Variants in TLL1 observed in about 807,000 individuals in gnomAD.
The protein encoded by TLL1 is tolloid-like protein 1.
In TLL1, 49 loss-of-function variants were observed where a neutral mutation model predicts 128.2. The ratio of observed to expected loss-of-function variants is 0.38; its 90% confidence interval spans 0.30 to 0.48. The LOEUF (loss-of-function observed/expected upper bound fraction) is 0.48. Ranked by LOEUF, TLL1 falls within the 20% of genes least tolerant of loss-of-function variation. The pLI, the probability that TLL1 is intolerant of heterozygous loss-of-function variation, is 0.96. For synonymous variants in TLL1, 454 were observed against 418.8 expected (o/e 1.08, Z -1.03); for missense variants, 1,123 against 1,242.0 (o/e 0.90, Z 1.44).
At chr4:165,987,460 C>T (rs1392653016) in intron 1 of TLL1, among the ~76,000 whole-genome samples, 4 of 152,026 alleles carry the variant, frequency 2.6e-5, no homozygotes, top group Non-Finnish European at 5.9e-5. Flanking sequence ...CAATTTCAGG[C>T]ATCAAAACCA....
intron 1 of TLL1, among the ~76,000 whole-genome samples, chr4:165,883,606 CTG>C (rs1195454504): frequency 6.6e-6 from 1 of 152,104 alleles, no homozygotes; most frequent in Non-Finnish European, 1.5e-5. Flanking sequence ...ATAACAAACA[CTG>C]TATTATTTTA....
chr4:166,076,864 C>A (rs968264488), intron 17 of TLL1, among the ~76,000 whole-genome samples: 1 of 152,132 alleles, frequency 6.6e-6, no homozygotes. Flanking sequence ...GGAAACCTAG[C>A]ACAATTAAGG....
intron 10 of TLL1, among the ~76,000 whole-genome samples, chr4:166,041,542 A>G (rs1386127042): frequency 6.6e-6 from 1 of 151,376 alleles, no homozygotes; most frequent in East Asian, 2.0e-4. Context: ...CTTATGATCC[A>G]CCCACCTCGG....
intron 11 of TLL1, among the ~76,000 whole-genome samples, chr4:166,042,356 T>C (rs1486334702): frequency 6.6e-6 from 1 of 152,230 alleles, no homozygotes; most frequent in African/African-American, 2.4e-5. Context: ...AATATCTAAA[T>C]GTGTTCAGGA....
intron 1 of TLL1, among the ~76,000 whole-genome samples, chr4:165,960,525 A>G (rs1356962338): frequency 6.6e-6 from 1 of 152,050 alleles, no homozygotes; most frequent in African/African-American, 2.4e-5. Context: ...GAAGACTTCA[A>G]GCCAATATTC....
chr4:166,104,387 A>G lies in TLL1; in HGVS notation c.*3511A>G, dbSNP rs993821502. Among the ~76,000 whole-genome samples the G allele has an allele frequency of 7.2e-5, 11 of 151,970 alleles. No individual in the cohort carries two copies. The highest frequency in any genetic ancestry group is 1.4e-4 in the African/African-American group (6 of 41,420). On this transcript the variant is annotated 3_prime_UTR_variant, in exon 21 of 21. Coordinates refer to ENST00000061240, the MANE Select transcript of TLL1 (RefSeq NM_012464.5). ...AAGAATAAGACTTGCCTTATGGAAA[A>G]TTTTTGATACCACTTGTTAAATCAG...
chr4:165,957,378 A>T (rs1167701991), intron 1 of TLL1, among the ~76,000 whole-genome samples: 1 of 152,114 alleles, frequency 6.6e-6, no homozygotes, highest in Non-Finnish European at 1.5e-5. Flanking sequence ...CTATGAAAAA[A>T]TGTAGCCACA....
chr4:166,006,422 C>T (rs973873071), intron 6 of TLL1, among the ~76,000 whole-genome samples: 1 of 151,662 alleles, frequency 6.6e-6, no homozygotes, highest in African/African-American at 2.4e-5. Context: ...AAATGTATTG[C>T]TGAAGTTGCG....
At chr4:165,959,200 T>G (rs1170685823) in intron 1 of TLL1, among the ~76,000 whole-genome samples, 1 of 152,124 alleles carries the variant, frequency 6.6e-6, no homozygotes, top group Non-Finnish European at 1.5e-5. Context: ...TGCGGGCTTT[T>G]TTTTGGTTCC....
Position 166,000,605 on chromosome 4 carries a change from T to G in TLL1, c.633-2786T>G, listed in dbSNP as rs371309812. Among the ~76,000 whole-genome samples, 9 of 152,324 alleles carry G rather than the reference T, an allele frequency of 5.9e-5. No individual in the cohort carries two copies. The East Asian group carries it at 1.5e-3, about 26-fold the overall frequency. ...ATTCCCTGAATAAAGCCAGTAAGAA[T>G]GACTCAATAGGGGTAATTTAGTTGC... is the stretch of plus-strand genomic sequence containing the variant. On this transcript the variant is annotated intron_variant, in intron 5 of 20. Transcript: ENST00000061240.
chr4:165,954,799 C>A (rs777644315), intron 1 of TLL1, among the ~76,000 whole-genome samples: 5 of 152,176 alleles, frequency 3.3e-5, no homozygotes, highest in East Asian at 3.9e-4. Context: ...AAACAAAAAA[C>A]CCCATCCAAT....
At chr4:166,013,905 T>A (rs59843698) in intron 7 of TLL1, among the ~76,000 whole-genome samples, 2,772 of 151,958 alleles carry the variant, frequency 0.018, 74 homozygotes, top group African/African-American at 0.061. Context: ...TGTTTTTTTT[T>A]ATCTTTTTTT....
chr4:166,066,492 A>G (rs7685579), intron 16 of TLL1, among the ~76,000 whole-genome samples: 1,563 of 151,968 alleles, frequency 0.01, 27 homozygotes, highest in African/African-American at 0.036. Flanking sequence ...CATTATTTTG[A>G]AACTTCCAAA....
chr4:166,007,700 A>G (rs1345814919), intron 6 of TLL1, among the ~76,000 whole-genome samples: 1 of 151,742 alleles, frequency 6.6e-6, no homozygotes, highest in African/African-American at 2.4e-5. Context: ...AAAAGAAAGT[A>G]TGCTTTTTCA....
chr4:165,997,410 T>G (rs1454203532), intron 5 of TLL1, among the ~76,000 whole-genome samples: 1 of 152,214 alleles, frequency 6.6e-6, no homozygotes, highest in Non-Finnish European at 1.5e-5. Flanking sequence ...CAAGGTAGTG[T>G]CATTGATATT....
chr4:166,039,257 G>T, intron 9 of TLL1, 82 bp from the exon 10 acceptor site: 2 of 915,272 alleles, frequency 2.2e-6, no homozygotes, highest in Non-Finnish European at 1.8e-6. Flanking sequence ...TGTAGACCAG[G>T]GTTCCTTACC....
At chr4:166,052,346 A>G (rs146794184) in intron 12 of TLL1, among the ~76,000 whole-genome samples, 1,950 of 152,272 alleles carry the variant, frequency 0.013, 18 homozygotes, top group Middle Eastern at 0.027. Flanking sequence ...CCCAGGCTGG[A>G]GTGCAGTGGC....
At chr4:165,908,630 G>A (rs1346663759) in intron 1 of TLL1, among the ~76,000 whole-genome samples, 2 of 150,318 alleles carry the variant, frequency 1.3e-5, no homozygotes, top group African/African-American at 4.9e-5. Context: ...TAAACTAATA[G>A]CAGTCTGCAT....
At chr4:165,906,133 C>T (rs1313395106) in intron 1 of TLL1, among the ~76,000 whole-genome samples, 1 of 152,132 alleles carries the variant, frequency 6.6e-6, no homozygotes, top group Non-Finnish European at 1.5e-5. Flanking sequence ...TCTATGGCTA[C>T]TTTTATGCTA....
Sources: allele counts gnomAD v4.1 joint callset (sites outside exome capture counted in the v4.1 genomes callset), GRCh38; gene constraint gnomAD v4.1.1; transcripts MANE v1.5; gene names NCBI Gene and HGNC (gene_info 2026-07-23, HGNC 2026-07-21).